ACACB: variants seen among roughly 807,000 people sequenced by gnomAD.
ACACB encodes acetyl-CoA carboxylase 2.
Under a neutral mutation model 278.8 loss-of-function variants are expected in ACACB, and 209 were observed. The observed-to-expected ratio is 0.75, with a 90% CI of 0.67 to 0.84. The LOEUF is 0.84. Ranked by LOEUF, ACACB falls within the 40% of genes least tolerant of loss-of-function variation. ACACB has a pLI of 0.00. For missense variants in ACACB, 2,850 were observed against 3,269.0 expected, an observed-to-expected ratio of 0.87 and a Z score of 3.13; for synonymous variants, 1,174 against 1,285.6, an observed-to-expected ratio of 0.91 and a Z score of 1.86.
At chr12:109,205,005 G>C (rs561359465) in intron 19 of ACACB, among the ~76,000 whole-genome samples, 4 of 151,978 alleles carry the variant, frequency 2.6e-5, no homozygotes, top group African/African-American at 7.2e-5. Context: ...AGGTTTGTGC[G>C]ACCATGCCTG....
chr12:109,149,381 G>T (rs542736100), intron 2 of ACACB, among the ~76,000 whole-genome samples: 12 of 152,246 alleles, frequency 7.9e-5, no homozygotes, highest in African/African-American at 2.9e-4. Context: ...TGGTGGCTTT[G>T]TTCCTTTATA....
intron 19 of ACACB, among the ~76,000 whole-genome samples, chr12:109,205,920 G>A (rs562098522): frequency 9.2e-5 from 14 of 152,202 alleles, no homozygotes; most frequent in Admixed American, 6.5e-4. Context: ...ATGAGTAGAC[G>A]AATGAGCACA....
intron 19 of ACACB, 109 bp downstream of exon 19, chr12:109,201,810 C>T (rs1449184791): frequency 2.1e-6 from 3 of 1,404,046 alleles, no homozygotes; most frequent in East Asian, 4.8e-5. Flanking sequence ...CTCCTGCCTC[C>T]ACCTGCAGAC....
chr12:109,199,414 C>A lies in ACACB; in HGVS notation c.2640C>A (p.Thr880=), dbSNP rs748956684. 5 of 1,506,114 alleles carry A rather than the reference C, an allele frequency of 3.3e-6. No homozygotes were observed. Among genetic ancestry groups the A allele is most frequent in the Non-Finnish European group, 4.4e-6 (5 of 1,125,944 alleles). 93.3% of individuals were successfully genotyped at this position (1,506,114 alleles called of 1,614,324 possible). A position where few individuals can be genotyped will look rare whatever the true frequency, so the allele number is the denominator to read the frequency against. The part of the protein sequence containing the change: ...MKEEVDSYRI[T]IGNKTCVFEK... Reference sequence around the variant, plus strand: ...TCCTCTCTCCCAGTTACCGAATTACCATCGGCAATAAGACGTGTGTGTTTG... The same window carrying A: ...TCCTCTCTCCCAGTTACCGAATTACAATCGGCAATAAGACGTGTGTGTTTG... Residue 880 remains threonine (T), a synonymous_variant, in exon 18 of 53, where the codon ACC becomes ACA. Coordinates refer to ENST00000338432, the MANE Select transcript of ACACB (RefSeq NM_001093.4).
chr12:109,141,123 C>T (rs1489669548), intron 2 of ACACB, among the ~76,000 whole-genome samples: 1 of 151,828 alleles, frequency 6.6e-6, no homozygotes, highest in East Asian at 1.9e-4. Context: ...GGCTGGTCTC[C>T]AACTCCTGGA....
At chr12:109,250,860 C>A (rs1274601976) in intron 41 of ACACB, among the ~76,000 whole-genome samples, 1 of 152,268 alleles carries the variant, frequency 6.6e-6, no homozygotes, top group East Asian at 1.9e-4. Context: ...GAGGGCCAAA[C>A]AAGGCAACCT....
upstream of ACACB, among the ~76,000 whole-genome samples, chr12:109,116,356 C>T (rs1180504542): frequency 6.6e-6 from 1 of 152,176 alleles, no homozygotes; most frequent in Admixed American, 6.5e-5. Flanking sequence ...ACAACATGGA[C>T]TTTAGATGCC....
chr12:109,166,675 AAAC>A (rs59274034), intron 2 of ACACB, among the ~76,000 whole-genome samples, 183 bp from the exon 3 acceptor site: 10,284 of 109,940 alleles, frequency 0.094, 2,661 homozygotes, highest in East Asian at 0.28. Flanking sequence ...AAAAAAAAAA[AAAC>A]CGAAGGTGCT....
At chr12:109,169,669 C>G (rs1490901607) in intron 4 of ACACB, among the ~76,000 whole-genome samples, 3 of 152,214 alleles carry the variant, frequency 2.0e-5, no homozygotes, top group African/African-American at 7.2e-5. Flanking sequence ...ACTCCCTCCC[C>G]ACCCAGCCTG....
upstream of ACACB, among the ~76,000 whole-genome samples, chr12:109,115,778 A>T (rs1171605376): frequency 1.3e-5 from 2 of 152,234 alleles, no homozygotes; most frequent in Non-Finnish European, 2.9e-5. Flanking sequence ...CCCAGCAGCA[A>T]TTTCCATTTA....
rs2047307927 is a variant in ACACB at position 109,259,037 on chromosome 12, A to G, written c.6425A>G (p.Lys2142Arg). 1 of 1,614,026 alleles carries G rather than the reference A, an allele frequency of 6.2e-7. No homozygotes were observed. ...GCCTACAAAACCGCCCAGGCCGTCA[A>G]GGACTTCAACCGGGAGAAGTTGCCC... The part of the protein sequence containing the change: ...DSAYKTAQAV[K>R]DFNREKLPLM... The change falls in exon 47 of 53, where the codon AAG (lysine) becomes AGG (arginine). Residue 2142 changes from lysine (K) to arginine (R), a missense_variant. Around this residue, in one of 3 missense-constraint regions of ACACB, gnomAD observed 579 missense variants for 684.6 expected, o/e 0.85. Transcript: ENST00000338432.
At chr12:109,205,503 G>A (rs1211268758) in intron 19 of ACACB, among the ~76,000 whole-genome samples, 1 of 151,758 alleles carries the variant, frequency 6.6e-6, no homozygotes, top group Admixed American at 6.6e-5. Context: ...AGGCTGGAGT[G>A]CAATGGCACA....
At chr12:109,176,358 A>G in intron 9 of ACACB, 95 bp downstream of exon 9, 2 of 1,164,176 alleles carry the variant, frequency 1.7e-6, no homozygotes, top group Non-Finnish European at 2.6e-6. Flanking sequence ...GTGACAGTCA[A>G]GAAGACATTT....
Position 109,182,253 on chromosome 12 carries a change from T to G in ACACB, c.1818+2166T>G, listed in dbSNP as rs147827335. 2.6e-3 allele frequency among the ~76,000 whole-genome samples: 389 copies of G among 152,326 alleles called. 1 individual carries two copies. Among genetic ancestry groups the G allele is most frequent in the African/African-American group, 8.7e-3 (360 of 41,584 alleles). Reference sequence around the variant, plus strand: ...TTCTCTGATGATCAGAGATGTTGGGTGCCTTTTCCTATGCCTGTTTGCCAT... The same window carrying G: ...TTCTCTGATGATCAGAGATGTTGGGGGCCTTTTCCTATGCCTGTTTGCCAT... On this transcript the variant is annotated intron_variant, in intron 11 of 52. Coordinates refer to ENST00000338432, the MANE Select transcript of ACACB (RefSeq NM_001093.4).
intron 11 of ACACB, among the ~76,000 whole-genome samples, chr12:109,184,317 T>C (rs1312603244): frequency 6.6e-6 from 1 of 152,122 alleles, no homozygotes; most frequent in Non-Finnish European, 1.5e-5. Flanking sequence ...CCTCCCAAAA[T>C]GCTGGGATTA....
chr12:109,188,102 T>A lies in ACACB; in HGVS notation c.2084T>A (p.Phe695Tyr), dbSNP rs1423483752. The A allele has an allele frequency of 6.2e-7, 1 of 1,613,224 alleles. No individual in the cohort carries two copies. The highest frequency in any genetic ancestry group is 8.5e-7 in the Non-Finnish European group (1 of 1,179,382). The change falls in exon 13 of 53, where the codon TTT becomes TAT. Residue 695 changes from phenylalanine to tyrosine, a missense_variant. Transcript: ENST00000338432. Reference protein sequence around the residue: ...SVAATGGLHEFADSQFGHCFS... With the variant: ...SVAATGGLHEYADSQFGHCFS... Reference sequence around the variant, plus strand: ...GCCGCTACTGGAGGCCTGCACGAGTTTGCGGATTCCCAATTTGGGCACTGC... The same window carrying A: ...GCCGCTACTGGAGGCCTGCACGAGTATGCGGATTCCCAATTTGGGCACTGC...
At chr12:109,192,149 C>T (rs920419590) in intron 15 of ACACB, among the ~76,000 whole-genome samples, 199 bp downstream of exon 15, 5 of 152,176 alleles carry the variant, frequency 3.3e-5, no homozygotes, top group African/African-American at 1.2e-4. Context: ...GAATGGGATT[C>T]TCGAGGCCAG....
In ACACB at chr12:109,166,649, C is replaced by CAAAA. The variant is rs869303420; in HGVS notation, c.654-187_654-184dup. Among the ~76,000 whole-genome samples, 11 of 25,088 alleles carry CAAAA rather than the reference C, an allele frequency of 4.4e-4. 4 individuals carry two copies. The highest frequency in any genetic ancestry group is 5.4e-4 in the African/African-American group (3 of 5,524). The allele number at this position is 25,088 out of a possible 152,430, so 16.5% of individuals were successfully genotyped here. A position where few individuals can be genotyped will look rare whatever the true frequency, so the allele number is the denominator to read the frequency against. On this transcript the variant is annotated intron_variant, in intron 2 of 52. Transcript: ENST00000338432. ...TAGGTGACAGAATGAGATCCCGTCT[C>CAAAA]AAAAAAAAAAAAAAAAAAAAAAAAA...
intron 3 of ACACB, 132 bp downstream of exon 3, chr12:109,167,125 T>A (rs1400050178): frequency 3.2e-5 from 38 of 1,169,642 alleles, no homozygotes; most frequent in Non-Finnish European, 4.6e-5. Context: ...GCCACGCTCC[T>A]CTGAGTTTTA....
Sources: gnomAD v4.1 joint callset for allele counts (sites outside exome capture counted in the v4.1 genomes callset) on GRCh38, gnomAD v4.1.1 for gene constraint, gnomAD v4.1.1 regional missense constraint, MANE v1.5 for transcripts, NCBI Gene and HGNC (gene_info 2026-07-23, HGNC 2026-07-21) for gene names.